Variants in TSPO observed in about 807,000 individuals in gnomAD.
TSPO encodes the protein benzodiazepine peripheral binding site.
TSPO carries 14 observed loss-of-function variants against 13.9 expected under a neutral mutation model. The observed-to-expected ratio is 1.01, with a 90% CI of 0.67 to 1.58. TSPO has a LOEUF of 1.58. TSPO is among the 40% of genes most tolerant of loss of function. The pLI, the probability that TSPO is intolerant of heterozygous loss-of-function variation, is 0.00. For missense variants in TSPO, 232 were observed against 229.6 expected (o/e 1.01, Z -0.07); for synonymous variants, 114 against 105.9 (o/e 1.08, Z -0.47).
At chr22:43,156,198 C>A (rs1251279707) in intron 1 of TSPO, among the ~76,000 whole-genome samples, 1 of 152,184 alleles carries the variant, frequency 6.6e-6, no homozygotes, top group Non-Finnish European at 1.5e-5. Flanking sequence ...TGCTCTCTTG[C>A]TGTGGCCTTG....
intron 3 of TSPO, among the ~76,000 whole-genome samples, 167 bp downstream of exon 3, chr22:43,161,357 G>C (rs73418038): frequency 0.018 from 2,747 of 152,232 alleles, 78 homozygotes; most frequent in African/African-American, 0.063. Flanking sequence ...CCCCTCTACT[G>C]ACTCCTCCGG....
At chr22:43,160,130 A>T (rs557391136) in intron 2 of TSPO, among the ~76,000 whole-genome samples, 146 of 152,242 alleles carry the variant, frequency 9.6e-4, no homozygotes, top group Non-Finnish European at 1.6e-3. Context: ...TCTGATGGGA[A>T]TAAGGCCCTG....
chr22:43,157,112 T>C (rs576080160), intron 1 of TSPO, among the ~76,000 whole-genome samples: 1 of 151,630 alleles, frequency 6.6e-6, no homozygotes, highest in Non-Finnish European at 1.5e-5. Flanking sequence ...AGCTGGGAGG[T>C]GGTCCCAGGG....
chr22:43,160,367 C>G (rs1405341354), intron 2 of TSPO, among the ~76,000 whole-genome samples: 1 of 152,218 alleles, frequency 6.6e-6, no homozygotes, highest in African/African-American at 2.4e-5. Flanking sequence ...CAGACTTTAT[C>G]CACTGATGGC....
At chr22:43,159,175 G>A in intron 1 of TSPO, 35 bp from the exon 2 acceptor site, 1 of 1,434,050 alleles carries the variant, frequency 7.0e-7, no homozygotes, top group Non-Finnish European at 9.2e-7. Flanking sequence ...CATGGCCTCA[G>A]GAATGCCCTC....
chr22:43,156,141 C>A (rs1337915086), intron 1 of TSPO, among the ~76,000 whole-genome samples: 1 of 152,232 alleles, frequency 6.6e-6, no homozygotes, highest in Non-Finnish European at 1.5e-5. Context: ...AAGGGGGCAG[C>A]CTGGGGTGGG....
At chr22:43,159,556 G>C (rs1931366921) in intron 2 of TSPO, 136 bp downstream of exon 2, 1 of 998,710 alleles carries the variant, frequency 1.0e-6, no homozygotes, top group African/African-American at 1.7e-5. Flanking sequence ...AAGCCAGGGT[G>C]GGGAAGCTGT....
chr22:43,162,784 C>T lies in TSPO; in HGVS notation c.322-19C>T, dbSNP rs972821886. 22 of 1,534,842 alleles carry T rather than the reference C, an allele frequency of 1.4e-5. No homozygotes were observed. The highest frequency in any genetic ancestry group is 1.1e-4 in the African/African-American group (8 of 73,322). ...CGGTGCCTCAGGCCTCCCCATCCTC[C>T]GTCCCCCAATCTCTGCAGGCCTTGG... On this transcript the variant is annotated intron_variant, in intron 3 of 3. Transcript: ENST00000337554.
intron 1 of TSPO, chr22:43,151,828 G>C (rs1396817537): frequency 6.6e-6 from 1 of 152,254 alleles, no homozygotes; most frequent in Non-Finnish European, 1.5e-5. Context: ...GGCCGCCTCC[G>C]GCTGGGGGTT....
At position 43,163,145 on chromosome 22, in the gene TSPO, C is replaced by A. The variant is rs1412508711; in HGVS notation, c.*154C>A. 3 of 1,467,390 alleles carry A rather than the reference C, an allele frequency of 2.0e-6. No homozygotes were observed. The East Asian group carries it at 7.4e-5, about 36-fold the overall frequency. 90.9% of individuals were successfully genotyped at this position (1,467,390 alleles called of 1,614,324 possible). On this transcript the variant is annotated 3_prime_UTR_variant, in exon 4 of 4. Transcript: ENST00000337554. ...GCTTCAGAGGTGGCCCCACCTGAGC[C>A]CCCACCCGGGAGCAGTGTCCTGTGC...
chr22:43,153,063 CTTCT>C (rs752169927), intron 1 of TSPO, among the ~76,000 whole-genome samples: 43 of 135,654 alleles, frequency 3.2e-4, no homozygotes, highest in Non-Finnish European at 6.4e-4. Context: ...CTTTCTCTTT[CTTCT>C]TTCTCTTTCT....
intron 1 of TSPO, among the ~76,000 whole-genome samples, chr22:43,154,367 T>C (rs1290907401): frequency 6.6e-6 from 1 of 151,786 alleles, no homozygotes; most frequent in African/African-American, 2.4e-5. Context: ...TTTATTTATT[T>C]ATTTATTTTG....
chr22:43,155,367 G>A (rs1183608973), intron 1 of TSPO, among the ~76,000 whole-genome samples: 4 of 152,202 alleles, frequency 2.6e-5, no homozygotes, highest in African/African-American at 4.8e-5. Context: ...CACAACCAGA[G>A]CTGAGCAAGG....
Position 43,163,135 on chromosome 22 carries a change from C to A in TSPO, c.*144C>A. 1 of 1,471,912 alleles carries A rather than the reference C, an allele frequency of 6.8e-7. No homozygotes were observed. The highest frequency in any genetic ancestry group is 1.4e-5 in the South Asian group (1 of 72,028). The allele number at this position is 1,471,912 out of a possible 1,614,324, so 91.2% of individuals were successfully genotyped here. On this transcript the variant is annotated 3_prime_UTR_variant, in exon 4 of 4. Transcript: ENST00000337554. Reference sequence around the variant, plus strand: ...GGTCAGCAGAGCTTCAGAGGTGGCCCCACCTGAGCCCCCACCCGGGAGCAG... The same window carrying A: ...GGTCAGCAGAGCTTCAGAGGTGGCCACACCTGAGCCCCCACCCGGGAGCAG...
chr22:43,153,109 C>CTCTT (rs138177673), intron 1 of TSPO, among the ~76,000 whole-genome samples: 84,233 of 131,248 alleles, frequency 0.64, 27,253 homozygotes, highest in East Asian at 0.99. Flanking sequence ...TCTTTCCTTT[C>CTCTT]TCTTTCTCTT....
chr22:43,162,862 C>T lies in TSPO; in HGVS notation c.381C>T (p.Tyr127=), dbSNP rs776912609. Residue 127 remains tyrosine (Y), a synonymous_variant, in exon 4 of 4, where the codon TAC becomes TAT. Transcript: ENST00000337554. ...GAAAATTVAW[Y]QVSPLAARLL... is the part of the protein sequence containing the mutation. ...CGGCAGCCACTACCGTGGCCTGGTA[C>T]CAGGTGAGCCCGCTGGCCGCCCGCC... The T allele has an allele frequency of 3.2e-6, 5 of 1,581,716 alleles. No individual in the cohort carries two copies. The highest frequency in any genetic ancestry group is 2.6e-6 in the Non-Finnish European group (3 of 1,165,146).
Position 43,162,885 on chromosome 22 carries a change from G to T in TSPO, c.404G>T (p.Arg135Leu). 6.3e-7 allele frequency: 1 copy of T among 1,581,844 alleles called. No homozygotes were observed. The highest frequency in any genetic ancestry group is 8.6e-7 in the Non-Finnish European group (1 of 1,164,768). Residue 135 changes from arginine to leucine, a missense_variant, in exon 4 of 4, where the codon CGC (arginine) becomes CTC (leucine). Coordinates refer to ENST00000337554, the MANE Select transcript of TSPO (RefSeq NM_000714.6). ...AWYQVSPLAARLLYPYLAWLA... is the reference protein window; with the variant it reads ...AWYQVSPLAALLLYPYLAWLA... ...TACCAGGTGAGCCCGCTGGCCGCCCGCCTGCTCTACCCCTACCTGGCCTGG... is the reference window on the plus strand; with the variant it reads ...TACCAGGTGAGCCCGCTGGCCGCCCTCCTGCTCTACCCCTACCTGGCCTGG...
At chr22:43,159,595 C>A in intron 2 of TSPO, 175 bp downstream of exon 2, 1 of 638,340 alleles carries the variant, frequency 1.6e-6, no homozygotes, top group Non-Finnish European at 2.4e-6. Context: ...ACTGAACTTT[C>A]TCCTCCTGGG....
At chr22:43,155,697 C>T (rs775008206) in intron 1 of TSPO, among the ~76,000 whole-genome samples, 7 of 152,218 alleles carry the variant, frequency 4.6e-5, no homozygotes, top group African/African-American at 7.2e-5. Flanking sequence ...ACCCACCTGA[C>T]GTTGGAGGAA....
Sources: allele counts gnomAD v4.1 joint callset (sites outside exome capture counted in the v4.1 genomes callset), GRCh38; gene constraint gnomAD v4.1.1; transcripts MANE v1.5; gene names NCBI Gene and HGNC (gene_info 2026-07-23, HGNC 2026-07-21).